THPO: variants seen among roughly 807,000 people sequenced by gnomAD.
THPO encodes the protein MPL ligand.
THPO carries 12 observed loss-of-function variants against 17.0 expected under a neutral mutation model. That is an observed-to-expected ratio of 0.71 (90% CI 0.45 to 1.14). The LOEUF (loss-of-function observed/expected upper bound fraction) is 1.14, where lower values mean the gene tolerates loss of function less well. THPO is among the 50% of genes most tolerant of loss of function. The pLI, the probability that THPO is intolerant of heterozygous loss-of-function variation, is 0.00. For synonymous variants in THPO, 188 were observed against 183.0 expected (o/e 1.03, Z -0.22); for missense variants, 365 against 427.5 (o/e 0.85, Z 1.29).
Position 184,373,122 on chromosome 3 carries a change from G to A in THPO, c.453C>T (p.Ser151=), listed in dbSNP as rs1714081561. The change falls in exon 6 of 6, where the codon AGC becomes AGT. Residue 151 remains serine, a synonymous_variant. Coordinates refer to ENST00000647395, the MANE Select transcript of THPO (RefSeq NM_000460.4). The part of the protein sequence containing the change: ...AHKDPNAIFL[S]FQHLLRGKVR... The stretch of plus-strand genomic sequence containing the variant: ...CCTTTCCTCGGAGCAGGTGTTGGAA[G>A]CTCAGGAAGATGGCATTGGGATCCT... The A allele has an allele frequency of 7.4e-6, 12 of 1,613,642 alleles. No homozygotes were observed. Among genetic ancestry groups the A allele is most frequent in the Non-Finnish European group, 1.0e-5 (12 of 1,180,014 alleles).
At chr3:184,373,368 G>A (rs1249832375) in intron 5 of THPO, 47 bp downstream of exon 5, 1 of 1,610,284 alleles carries the variant, frequency 6.2e-7, no homozygotes, top group East Asian at 2.2e-5. Flanking sequence ...TAGGGGGACT[G>A]AGTCAGAAAA....
chr3:184,373,929 T>G (rs1451730088), intron 4 of THPO, among the ~76,000 whole-genome samples: 1 of 152,190 alleles, frequency 6.6e-6, no homozygotes, highest in Non-Finnish European at 1.5e-5. Flanking sequence ...GATCATTTGA[T>G]TTTTAAACTG....
chr3:184,372,628 G>C lies in THPO; in HGVS notation c.947C>G (p.Pro316Arg), dbSNP rs755721423. Reference protein sequence around the residue: ...LFPLPPTLPTPVVQLHPLLPD... With the variant: ...LFPLPPTLPTRVVQLHPLLPD... ...AAGCAGGGGGTGGAGCTGGACCACA[G>C]GGGTGGGCAAGGTGGGTGGAAGAGG... Residue 316 changes from proline to arginine, a missense_variant, in exon 6 of 6, where the codon CCT (proline) becomes CGT (arginine). Transcript: ENST00000647395. 1.2e-6 allele frequency: 2 copies of C among 1,613,598 alleles called. No individual in the cohort carries two copies. The highest frequency in any genetic ancestry group is 3.3e-5 in the Admixed American group (2 of 60,004).
In THPO at chr3:184,372,606, CAG is replaced by C. The variant is rs1713989464; in HGVS notation, c.967_968del (p.Leu323AlafsTer3). 8.1e-6 allele frequency: 13 copies of C among 1,613,462 alleles called. No homozygotes were observed. The highest frequency in any genetic ancestry group is 1.1e-5 in the Non-Finnish European group (13 of 1,179,756). ...LPTPVVQLHP[L>X]LPDPSAPTPT... ...GCGTTGGAGCAGAAGGGTCAGGAAG[CAG>C]GGGGTGGAGCTGGACCACAGGGGTG... On this transcript the variant is annotated frameshift_variant, in exon 6 of 6. Coordinates refer to ENST00000647395, the MANE Select transcript of THPO (RefSeq NM_000460.4). LOFTEE classifies it low-confidence loss of function (END_TRUNC).
rs576247855 is a variant in THPO, at chr3:184,377,121, C to A, written c.-145-717G>T. On this transcript the variant is annotated intron_variant, in intron 1 of 5. Coordinates refer to ENST00000647395, the MANE Select transcript of THPO (RefSeq NM_000460.4). ...GAGAGTGGAAAATGGGATGCAGGGC[C>A]TGGGTGAGGAACTGGCAAACGGGCG... 2.6e-5 allele frequency among the ~76,000 whole-genome samples: 4 copies of A among 151,802 alleles called. 1 individual carries two copies. In the East Asian group the frequency reaches 7.8e-4, roughly 30 times the overall value.
At chr3:184,378,526 C>G (rs1316951355), upstream of THPO, 1 of 487,992 alleles carries the variant, frequency 2.0e-6, no homozygotes, top group African/African-American at 2.1e-5. Context: ...GACATCATAC[C>G]TGCTGCTGAA....
intron 3 of THPO, 21 bp downstream of exon 3, chr3:184,375,867 G>C (rs754502634): frequency 1.2e-6 from 2 of 1,612,740 alleles, no homozygotes; most frequent in Non-Finnish European, 1.7e-6. Flanking sequence ...GGATAAAGGG[G>C]ATAATGTTGG....
At chr3:184,375,843 C>T (rs1017682549) in intron 3 of THPO, 45 bp downstream of exon 3, 6 of 1,611,524 alleles carry the variant, frequency 3.7e-6, no homozygotes, top group South Asian at 2.2e-5. Context: ...GTATGGGTGT[C>T]TTACCAGTTA....
chr3:184,372,597 G>A lies in THPO; in HGVS notation c.978C>T (p.Asp326=). Residue 326 remains aspartate (D), a synonymous_variant, in exon 6 of 6, where the codon GAC becomes GAT. Transcript: ENST00000647395. ...TAGGGGTGGGCGTTGGAGCAGAAGG[G>A]TCAGGAAGCAGGGGGTGGAGCTGGA... ...PVVQLHPLLP[D]PSAPTPTPTS... is the part of the protein sequence containing the mutation. 2 of 1,614,072 alleles carry A rather than the reference G, an allele frequency of 1.2e-6. No homozygotes were observed. The highest frequency in any genetic ancestry group is 1.7e-6 in the Non-Finnish European group (2 of 1,179,986).
Position 184,375,573 on chromosome 3 carries a change from G to A in THPO, c.170C>T (p.Pro57Leu). 1.2e-6 allele frequency: 2 copies of A among 1,614,172 alleles called. No individual in the cohort carries two copies. The highest frequency in any genetic ancestry group is 1.7e-6 in the Non-Finnish European group (2 of 1,180,016). The change falls in exon 4 of 6, where the codon CCT becomes CTT. Residue 57 changes from proline to leucine, a missense_variant. Physicochemically the swap from Pro to Leu is moderately conservative, Grantham distance 98. Coordinates refer to ENST00000647395, the MANE Select transcript of THPO (RefSeq NM_000460.4). ...LSQCPEVHPL[P>L]TPVLLPAVDF... ...CACAGCAGGCAGCAGGACAGGTGTA[G>A]GCAAAGGGTGAACCTCTGGGCACTG...
intron 4 of THPO, among the ~76,000 whole-genome samples, chr3:184,373,904 G>A (rs1714175845): frequency 6.6e-6 from 1 of 152,156 alleles, no homozygotes; most frequent in Non-Finnish European, 1.5e-5. Flanking sequence ...TACTCTTTCT[G>A]CTGCAAAACC....
intron 1 of THPO, among the ~76,000 whole-genome samples, chr3:184,377,662 G>A (rs1222502474): frequency 3.3e-5 from 5 of 152,062 alleles, no homozygotes; most frequent in African/African-American, 7.3e-5. Flanking sequence ...CTCTCCTTGC[G>A]CCCTGGCTTG....
At position 184,373,443 on chromosome 3, in the gene THPO, C is replaced by T. The variant is rs1714126720; in HGVS notation, c.368G>A (p.Gly123Glu). ...GGTTCCAAGGAGGCTCTGCAGGGCCCCAAGGAGGAGACGGACCTGTCCAGA... is the reference window on the plus strand; with the variant it reads ...GGTTCCAAGGAGGCTCTGCAGGGCCTCAAGGAGGAGACGGACCTGTCCAGA... The part of the protein sequence containing the change: ...QLSGQVRLLL[G>E]ALQSLLGTQL... The change falls in exon 5 of 6, where the codon GGG (glycine) becomes GAG (glutamate). Residue 123 changes from glycine to glutamate, a missense_variant. Physicochemically the swap from Gly to Glu is moderately conservative, Grantham distance 98. Transcript: ENST00000647395. 1 of 1,613,908 alleles carries T rather than the reference C, an allele frequency of 6.2e-7. No individual in the cohort carries two copies. The highest frequency in any genetic ancestry group is 8.5e-7 in the Non-Finnish European group (1 of 1,179,996).
chr3:184,374,153 G>A (rs754597734), intron 4 of THPO, among the ~76,000 whole-genome samples: 4 of 152,188 alleles, frequency 2.6e-5, no homozygotes, highest in Admixed American at 6.5e-5. Context: ...GCTTGAATCC[G>A]GGAGGCTGAG....
Position 184,372,659 on chromosome 3 carries a change from G to T in THPO, c.916C>A (p.Leu306Ile), listed in dbSNP as rs1391065739. ...GGCAAGGTGGGTGGAAGAGGGAAGA[G>T]CGTATACTGTCCAGTAGGAGGATGG... ...PTHPPTGQYT[L>I]FPLPPTLPTP... Residue 306 changes from leucine to isoleucine, a missense_variant, in exon 6 of 6, where the codon CTC (leucine) becomes ATC (isoleucine). Leu to Ile is a conservative substitution (Grantham distance 5). Transcript: ENST00000647395. The T allele has an allele frequency of 2.5e-6, 4 of 1,613,210 alleles. No homozygotes were observed. Among genetic ancestry groups the T allele is most frequent in the Non-Finnish European group, 2.5e-6 (3 of 1,179,354 alleles).
chr3:184,372,284 A>C lies in THPO; in HGVS notation c.*229T>G, dbSNP rs1248531495. 1 of 550,894 alleles carries C rather than the reference A, an allele frequency of 1.8e-6. No individual in the cohort carries two copies. Among genetic ancestry groups the C allele is most frequent in the African/African-American group, 1.9e-5 (1 of 53,242 alleles). The allele number at this position is 550,894 out of a possible 1,614,324, so 34.1% of individuals were successfully genotyped here. A position where few individuals can be genotyped will look rare whatever the true frequency, so the allele number is the denominator to read the frequency against. On this transcript the variant is annotated 3_prime_UTR_variant, in exon 6 of 6. Transcript: ENST00000647395. ...GCAAATTTCTGCAGAAAATAGACCAAAGAGCTAGCTGCTCTGATGAGTATT... is the reference window on the plus strand; with the variant it reads ...GCAAATTTCTGCAGAAAATAGACCACAGAGCTAGCTGCTCTGATGAGTATT...
At chr3:184,374,447 C>T (rs1489018563) in intron 4 of THPO, among the ~76,000 whole-genome samples, 1 of 152,178 alleles carries the variant, frequency 6.6e-6, no homozygotes, top group Admixed American at 6.5e-5. Context: ...CAGGCTGCTG[C>T]TTTCTAGACA....
chr3:184,379,480 A>G (rs1244326289), upstream of THPO, among the ~76,000 whole-genome samples: 6 of 151,906 alleles, frequency 3.9e-5, no homozygotes, highest in African/African-American at 1.5e-4. Context: ...TAACACAAGA[A>G]TGAGGAGCGA....
At chr3:184,377,661 C>T (rs1714533418) in intron 1 of THPO, among the ~76,000 whole-genome samples, 1 of 152,146 alleles carries the variant, frequency 6.6e-6, no homozygotes, top group African/African-American at 2.4e-5. Flanking sequence ...CCTCTCCTTG[C>T]GCCCTGGCTT....
Sources: allele counts gnomAD v4.1 joint callset (sites outside exome capture counted in the v4.1 genomes callset), GRCh38; gene constraint gnomAD v4.1.1; transcripts MANE v1.5; gene names NCBI Gene and HGNC (gene_info 2026-07-23, HGNC 2026-07-21).